The following BMPER variants were observed in gnomAD, a reference collection of about 807,000 sequenced individuals.
BMPER encodes BMP-binding endothelial regulator protein.
BMPER carries 45 observed loss-of-function variants against 87.3 expected under a neutral mutation model. That is an observed-to-expected ratio of 0.52 (90% CI 0.41 to 0.66). BMPER has a LOEUF of 0.66. BMPER is among the 30% of genes least tolerant of loss of function. BMPER has a pLI of 0.00. For missense variants in BMPER, 784 were observed against 867.5 expected (o/e 0.90, Z 1.21); for synonymous variants, 326 against 316.2 (o/e 1.03, Z -0.33).
intron 3 of BMPER, among the ~76,000 whole-genome samples, chr7:33,955,630 A>T (rs559989650): frequency 3.9e-5 from 6 of 152,254 alleles, no homozygotes; most frequent in Non-Finnish European, 7.3e-5. Flanking sequence ...TGAGGCATAG[A>T]TAAAGCCTGA....
chr7:33,966,905 A>G (rs1785420095), intron 4 of BMPER, among the ~76,000 whole-genome samples: 1 of 152,232 alleles, frequency 6.6e-6, no homozygotes, highest in Non-Finnish European at 1.5e-5. Context: ...CTTAGCAGAA[A>G]GCGGGTATTG....
At chr7:33,946,171 G>A (rs1404222189) in intron 3 of BMPER, among the ~76,000 whole-genome samples, 1 of 152,152 alleles carries the variant, frequency 6.6e-6, no homozygotes, top group Non-Finnish European at 1.5e-5. Context: ...CAGGGGAAAT[G>A]CCAGACACTT....
intron 11 of BMPER, among the ~76,000 whole-genome samples, chr7:34,076,370 G>A (rs1585806027): frequency 1.3e-5 from 2 of 152,136 alleles, no homozygotes; most frequent in East Asian, 3.9e-4. Context: ...GTCACTTATG[G>A]CTCTTCCATC....
chr7:34,121,544 C>G (rs1256587378), intron 13 of BMPER, among the ~76,000 whole-genome samples: 1 of 152,188 alleles, frequency 6.6e-6, no homozygotes, highest in Admixed American at 6.5e-5. Flanking sequence ...TCACTTTTCT[C>G]CTTGACCTCT....
At chr7:33,930,059 T>C (rs1415215613) in intron 2 of BMPER, among the ~76,000 whole-genome samples, 1 of 152,222 alleles carries the variant, frequency 6.6e-6, no homozygotes, top group African/African-American at 2.4e-5. Context: ...GGGCCACAGT[T>C]GACACCTCCC....
At chr7:34,031,927 TACAC>T (rs59791505) in intron 6 of BMPER, among the ~76,000 whole-genome samples, 4 of 55,452 alleles carry the variant, frequency 7.2e-5, no homozygotes, top group African/African-American at 2.6e-4. Flanking sequence ...TATATATATA[TACAC>T]ACACACACAC....
chr7:33,945,173 C>T (rs556490594), intron 3 of BMPER, among the ~76,000 whole-genome samples: 6 of 151,994 alleles, frequency 3.9e-5, no homozygotes, highest in African/African-American at 1.2e-4. Flanking sequence ...GATCTCCTGA[C>T]CTCGTGATCC....
intron 6 of BMPER, among the ~76,000 whole-genome samples, chr7:34,031,988 AAT>A (rs4000115): frequency 2.2e-4 from 29 of 131,614 alleles, no homozygotes; most frequent in East Asian, 1.1e-3. Flanking sequence ...CTTATATATA[AAT>A]ATATATGTGT....
intron 13 of BMPER, among the ~76,000 whole-genome samples, chr7:34,142,967 GATGTTAGAAC>G (rs1008188074): frequency 6.6e-6 from 1 of 152,230 alleles, no homozygotes; most frequent in Admixed American, 6.5e-5. Context: ...GCACAGTGGA[GATGTTAGAAC>G]ATGTCTATCC....
intron 6 of BMPER, among the ~76,000 whole-genome samples, chr7:33,985,729 G>GTT (rs377717422): frequency 7.0e-6 from 1 of 142,648 alleles, no homozygotes; most frequent in Non-Finnish European, 1.5e-5. Context: ...AGCCATTTGT[G>GTT]TTTTTTTTTT....
At chr7:34,099,840 A>G (rs1404915253) in intron 13 of BMPER, among the ~76,000 whole-genome samples, 1 of 152,008 alleles carries the variant, frequency 6.6e-6, no homozygotes, top group Non-Finnish European at 1.5e-5. Context: ...GATGTTCTCA[A>G]TTGATGTGTT....
At chr7:33,959,436 T>G (rs1451841516) in intron 3 of BMPER, among the ~76,000 whole-genome samples, 1 of 152,098 alleles carries the variant, frequency 6.6e-6, no homozygotes, top group African/African-American at 2.4e-5. Flanking sequence ...TTTCTCCATT[T>G]TTGTTCAGCA....
chr7:34,065,199 A>ACACTCTCTCTCTCTCT (rs1298854336), intron 11 of BMPER, among the ~76,000 whole-genome samples: 1 of 94,126 alleles, frequency 1.1e-5, no homozygotes, highest in African/African-American at 3.9e-5. Context: ...ACACATACAC[A>ACACTCTCTCTCTCTCT]CTCACTCTCT....
chr7:34,073,047 G>A (rs528925328), intron 11 of BMPER, among the ~76,000 whole-genome samples: 9 of 152,150 alleles, frequency 5.9e-5, no homozygotes, highest in African/African-American at 2.2e-4. Context: ...CCTGCTGTAT[G>A]TGTCATTACA....
Position 34,097,807 on chromosome 7 carries a change from G to A in BMPER, c.1745+11715G>A, listed in dbSNP as rs533798562. 9.2e-5 allele frequency among the ~76,000 whole-genome samples: 14 copies of A among 152,162 alleles called. No homozygotes were observed. The South Asian group carries it at 2.9e-3, about 32-fold the overall frequency. ...CCCTGTTCACTCAAAGACTTTTTTT[G>A]AGTCTTTGAATGAACAGGGCTTAGG... On this transcript the variant is annotated intron_variant, in intron 13 of 14. Transcript: ENST00000649409.
chr7:34,049,826 G>A (rs1256551152), intron 7 of BMPER, among the ~76,000 whole-genome samples: 2 of 152,022 alleles, frequency 1.3e-5, no homozygotes, highest in African/African-American at 4.8e-5. Context: ...TATCTCTGAT[G>A]GACTGATTAA....
intron 6 of BMPER, among the ~76,000 whole-genome samples, chr7:34,011,328 G>A (rs1359617821): frequency 1.3e-5 from 2 of 151,696 alleles, no homozygotes; most frequent in African/African-American, 4.8e-5. Context: ...GGTTCATAAG[G>A]CATACTTTGA....
intron 5 of BMPER, among the ~76,000 whole-genome samples, chr7:33,971,962 G>C (rs1241820192): frequency 6.6e-6 from 1 of 152,142 alleles, no homozygotes. Context: ...AAGTACAGTG[G>C]TGTGATCTCG....
At chr7:33,993,023 C>G (rs1362161660) in intron 6 of BMPER, among the ~76,000 whole-genome samples, 20 of 130,002 alleles carry the variant, frequency 1.5e-4, no homozygotes, top group South Asian at 2.7e-4. Flanking sequence ...GAGGGTAACC[C>G]GACCTTTCTC....
Sources: gnomAD v4.1 joint callset for allele counts (sites outside exome capture counted in the v4.1 genomes callset) on GRCh38, gnomAD v4.1.1 for gene constraint, MANE v1.5 for transcripts, NCBI Gene and HGNC (gene_info 2026-07-23, HGNC 2026-07-21) for gene names.